IL18: variants seen among roughly 807,000 people sequenced by gnomAD.
IL18 encodes interleukin-18.
IL18 carries 8 observed loss-of-function variants against 14.2 expected under a neutral mutation model. The ratio of observed to expected loss-of-function variants is 0.56; its 90% CI spans 0.33 to 1.01. The LOEUF (loss-of-function observed/expected upper bound fraction) is 1.01, where lower values mean the gene tolerates loss of function less well. Ranked by LOEUF, IL18 falls within the 50% of genes least tolerant of loss-of-function variation. The pLI is 0.03. For missense variants in IL18, 166 were observed against 231.1 expected, an observed-to-expected ratio of 0.72 and a Z score of 1.83; for synonymous variants, 67 against 71.0, an observed-to-expected ratio of 0.94 and a Z score of 0.28.
chr11:112,150,068 A>T lies in IL18; in HGVS notation c.226+4T>A, dbSNP rs1255008899. Reference sequence around the variant, plus strand: ...TTTCTATGTTTGCGAATTAAAAAAAATACCTCTACAGTCAGAATCAGTCAT... The same window carrying T: ...TTTCTATGTTTGCGAATTAAAAAAATTACCTCTACAGTCAGAATCAGTCAT... On this transcript the variant is annotated splice_donor_region_variant and intron_variant, in intron 4 of 5. Coordinates refer to ENST00000280357, the MANE Select transcript of IL18 (RefSeq NM_001562.4). 1.3e-6 allele frequency: 2 copies of T among 1,587,722 alleles called. No individual in the cohort carries two copies. Among genetic ancestry groups the T allele is most frequent in the Non-Finnish European group, 1.7e-6 (2 of 1,172,630 alleles).
intron 1 of IL18, among the ~76,000 whole-genome samples, chr11:112,159,226 C>T (rs1866586706): frequency 6.6e-6 from 1 of 151,892 alleles, no homozygotes; most frequent in Admixed American, 6.6e-5. Context: ...GTGGCACATA[C>T]CTGTAGTCCC....
intron 1 of IL18, among the ~76,000 whole-genome samples, chr11:112,162,347 T>C (rs1421128374): frequency 2.7e-5 from 4 of 150,646 alleles, no homozygotes; most frequent in Admixed American, 6.6e-5. Flanking sequence ...TTTTCTTTTT[T>C]TTTTTTTTTT....
At position 112,143,386 on chromosome 11, in the gene IL18, T is replaced by C. The variant is rs960608007; in HGVS notation, c.*210A>G. 4.0e-5 allele frequency: 17 copies of C among 422,772 alleles called. No homozygotes were observed. The highest frequency in any genetic ancestry group is 6.4e-5 in the Non-Finnish European group (15 of 235,762). 26.2% of individuals were successfully genotyped at this position (422,772 alleles called of 1,614,324 possible). On this transcript the variant is annotated 3_prime_UTR_variant, in exon 6 of 6. Coordinates refer to ENST00000280357, the MANE Select transcript of IL18 (RefSeq NM_001562.4). ...ACCTCTACCTCCGGAGTGCAAGTGA[T>C]TCTCCTGCCTCAGCCTCTTGAGTAG...
At chr11:112,146,913 C>T (rs1194086897) in intron 5 of IL18, among the ~76,000 whole-genome samples, 1 of 146,480 alleles carries the variant, frequency 6.8e-6, no homozygotes, top group Non-Finnish European at 1.5e-5. Context: ...AAGCTTATGC[C>T]TTTGGTAATT....
At chr11:112,160,267 C>T (rs1866606328) in intron 1 of IL18, among the ~76,000 whole-genome samples, 1 of 151,184 alleles carries the variant, frequency 6.6e-6, no homozygotes, top group African/African-American at 2.4e-5. Flanking sequence ...TCCATTGTTG[C>T]CACAGTTATT....
At position 112,150,132 on chromosome 11, in the gene IL18, G is replaced by T. The variant is rs1182649992; in HGVS notation, c.166C>A (p.Leu56Ile). The part of the protein sequence containing the change: ...SVIRNLNDQV[L>I]FIDQGNRPLF... The stretch of plus-strand genomic sequence containing the variant: ...GGCCGATTTCCTTGGTCAATGAAGA[G>T]AACTTGGTCATTCAAATTTCTTATG... The change falls in exon 4 of 6, where the codon CTC (leucine) becomes ATC (isoleucine). Residue 56 changes from leucine to isoleucine, a missense_variant. Coordinates refer to ENST00000280357, the MANE Select transcript of IL18 (RefSeq NM_001562.4). 1.2e-6 allele frequency: 2 copies of T among 1,609,012 alleles called. No homozygotes were observed. The highest frequency in any genetic ancestry group is 1.7e-6 in the Non-Finnish European group (2 of 1,175,820).
At chr11:112,153,871 AT>A (rs1438357844) in intron 2 of IL18, among the ~76,000 whole-genome samples, 2 of 152,200 alleles carry the variant, frequency 1.3e-5, no homozygotes, top group East Asian at 3.8e-4. Context: ...GTAACTAAAA[AT>A]AAATTTTATA....
chr11:112,155,474 A>T (rs1866516328), intron 1 of IL18, among the ~76,000 whole-genome samples: 1 of 152,094 alleles, frequency 6.6e-6, no homozygotes, highest in Non-Finnish European at 1.5e-5. Flanking sequence ...CCTATGGGTG[A>T]GAGGCTGAAG....
At chr11:112,151,881 AGCT>A (rs2135315524) in intron 3 of IL18, among the ~76,000 whole-genome samples, 1 of 152,208 alleles carries the variant, frequency 6.6e-6, no homozygotes, top group East Asian at 1.9e-4. Flanking sequence ...GTTGTTTATT[AGCT>A]TCTTTCTACT....
chr11:112,153,608 G>A lies in IL18; in HGVS notation c.80-5C>T. 1 of 1,551,336 alleles carries A rather than the reference G, an allele frequency of 6.4e-7. No homozygotes were observed. Among genetic ancestry groups the A allele is most frequent in the Admixed American group, 1.9e-5 (1 of 53,532 alleles). On this transcript the variant is annotated splice_polypyrimidine_tract_variant and splice_region_variant and intron_variant, in intron 2 of 5. Transcript: ENST00000280357. ...CTACTTTACCATCATCTTCAGCTAA[G>A]AGGGGGAAAAAGAGAGAAACAGAAT...
In IL18 at chr11:112,143,619, A is replaced by G; in HGVS notation, c.559T>C (p.Phe187Leu). The G allele has an allele frequency of 1.2e-6, 2 of 1,611,508 alleles. No homozygotes were observed. The highest frequency in any genetic ancestry group is 1.7e-6 in the Non-Finnish European group (2 of 1,178,312). The change falls in exon 6 of 6, where the codon TTC becomes CTC. Residue 187 changes from phenylalanine (F) to leucine (L), a missense_variant. Transcript: ENST00000280357. ...AGCTAGTCTTCGTTTTGAACAGTGA[A>G]CATTATAGATCTATCCCCCAATTCA... ...EDELGDRSIM[F>L]TVQNED
intron 5 of IL18, among the ~76,000 whole-genome samples, chr11:112,147,256 C>T (rs866705674): frequency 2.6e-5 from 4 of 152,104 alleles, no homozygotes; most frequent in Admixed American, 6.5e-5. Flanking sequence ...AAAGGGCCAT[C>T]AAAATTGAAT....
At chr11:112,163,549 C>A (rs114258879) in intron 1 of IL18, among the ~76,000 whole-genome samples, 1 of 151,952 alleles carries the variant, frequency 6.6e-6, no homozygotes, top group African/African-American at 2.4e-5. Context: ...TTCTATTAAA[C>A]CAGTTAAAAC....
intron 5 of IL18, 144 bp from the exon 6 acceptor site, chr11:112,143,961 ACT>A: frequency 1.7e-6 from 1 of 602,156 alleles, no homozygotes; most frequent in Non-Finnish European, 2.9e-6. Flanking sequence ...GAACAGCAGT[ACT>A]GACCTCCTCT....
At chr11:112,143,939 A>C (rs1374530582) in intron 5 of IL18, 122 bp from the exon 6 acceptor site, 17 of 651,414 alleles carry the variant, frequency 2.6e-5, no homozygotes, top group Non-Finnish European at 4.4e-5. Flanking sequence ...GAGTTACATA[A>C]AAAAAATCTC....
Position 112,150,108 on chromosome 11 carries a change from G to A in IL18, c.190C>T (p.Pro64Ser), listed in dbSNP as rs1329702763. Reference sequence around the variant, plus strand: ...GAATCAGTCATATCTTCAAATAGAGGCCGATTTCCTTGGTCAATGAAGAGA... The same window carrying A: ...GAATCAGTCATATCTTCAAATAGAGACCGATTTCCTTGGTCAATGAAGAGA... ...QVLFIDQGNR[P>S]LFEDMTDSDC... The change falls in exon 4 of 6, where the codon CCT becomes TCT. Residue 64 changes from proline to serine, a missense_variant. Physicochemically the swap from Pro to Ser is moderately conservative, Grantham distance 74. Transcript: ENST00000280357. 4 of 1,610,554 alleles carry A rather than the reference G, an allele frequency of 2.5e-6. No homozygotes were observed. Among genetic ancestry groups the A allele is most frequent in the Non-Finnish European group, 2.5e-6 (3 of 1,178,646 alleles).
rs138200697 is a variant in IL18, at chr11:112,150,227, C to G, written c.92-21G>C. The stretch of plus-strand genomic sequence containing the variant: ...GTTTTCTACAATAAACATTAAATCT[C>G]ATTTAAAAATACATAGTTTCTTTGT... On this transcript the variant is annotated intron_variant, in intron 3 of 5. Coordinates refer to ENST00000280357, the MANE Select transcript of IL18 (RefSeq NM_001562.4). 30 of 1,462,286 alleles carry G rather than the reference C, an allele frequency of 2.1e-5. No individual in the cohort carries two copies. The African/African-American group carries it at 3.1e-4, about 15-fold the overall frequency. 90.6% of individuals were successfully genotyped at this position (1,462,286 alleles called of 1,614,324 possible). A position where few individuals can be genotyped will look rare whatever the true frequency, so the allele number is the denominator to read the frequency against.
intron 5 of IL18, among the ~76,000 whole-genome samples, chr11:112,145,756 GA>G (rs1380173505): frequency 3.3e-5 from 5 of 151,624 alleles, no homozygotes; most frequent in South Asian, 4.2e-4. Flanking sequence ...AAGAAAAAAA[GA>G]AAAAAAGAAA....
At chr11:112,150,437 T>C (rs1016472298) in intron 3 of IL18, 5 of 399,630 alleles carry the variant, frequency 1.3e-5, no homozygotes, top group Non-Finnish European at 2.3e-5. Flanking sequence ...AATAGCCTAC[T>C]TTCTGACCGG....
Sources: allele counts gnomAD v4.1 joint callset (sites outside exome capture counted in the v4.1 genomes callset), GRCh38; gene constraint gnomAD v4.1.1; transcripts MANE v1.5; gene names NCBI Gene and HGNC (gene_info 2026-07-23, HGNC 2026-07-21).